The following DPYSL3 variants were observed in gnomAD, a reference collection of about 807,000 sequenced individuals.
DPYSL3 encodes the protein dihydropyrimidinase like 3.
In DPYSL3, 16 loss-of-function variants were observed where a neutral mutation model predicts 66.1. The observed-to-expected ratio is 0.24, with a 90% CI of 0.16 to 0.37. The LOEUF is 0.37. Among genes scored for constraint, DPYSL3 ranks in the 10% least tolerant of loss-of-function variants. DPYSL3 has a pLI of 1.00. For missense variants in DPYSL3, 738 were observed against 916.2 expected (o/e 0.81, Z 2.51); for synonymous variants, 338 against 345.1 (o/e 0.98, Z 0.23).
chr5:147,401,259 G>A (rs1441654614), intron 9 of DPYSL3, among the ~76,000 whole-genome samples: 5 of 152,192 alleles, frequency 3.3e-5, no homozygotes, highest in African/African-American at 4.8e-5. Flanking sequence ...GTTGTTAGGA[G>A]AAATAAATGA....
intron 8 of DPYSL3, among the ~76,000 whole-genome samples, chr5:147,403,176 G>A (rs1174622211): frequency 2.0e-5 from 3 of 152,106 alleles, no homozygotes; most frequent in African/African-American, 7.2e-5. Context: ...AGAAGGAAGC[G>A]ATGGCAATGA....
intron 12 of DPYSL3, among the ~76,000 whole-genome samples, chr5:147,395,981 T>C (rs1757959283): frequency 6.6e-6 from 1 of 151,876 alleles, no homozygotes; most frequent in South Asian, 2.1e-4. Flanking sequence ...TGCTATGGGG[T>C]TGGGGTTGCC....
rs1028326734 is a variant in DPYSL3 at position 147,397,795 on chromosome 5, C to T, written c.1674G>A (p.Leu558=). ...TGATCTTGCCCTGGCAGATGACAAC[C>T]AGAGGAGCCCCGCGCAGCTCCATCC... ...FEGMELRGAP[L]VVICQGKIML... The change falls in exon 12 of 14, where the codon CTG becomes CTA. Residue 558 remains leucine (L), a synonymous_variant. Coordinates refer to ENST00000343218, the MANE Select transcript of DPYSL3 (RefSeq NM_001197294.2). 4 of 1,613,860 alleles carry T rather than the reference C, an allele frequency of 2.5e-6. No homozygotes were observed. Among genetic ancestry groups the T allele is most frequent in the African/African-American group, 1.3e-5 (1 of 74,906 alleles).
intron 1 of DPYSL3, among the ~76,000 whole-genome samples, chr5:147,448,683 G>T (rs1325661850): frequency 3.3e-5 from 5 of 152,150 alleles, no homozygotes; most frequent in East Asian, 1.9e-4. Context: ...CAAACTGAGG[G>T]TCTTGCCACA....
intron 1 of DPYSL3, among the ~76,000 whole-genome samples, chr5:147,440,656 T>G (rs188837452): frequency 1.0e-3 from 153 of 152,324 alleles, no homozygotes; most frequent in African/African-American, 3.5e-3. Flanking sequence ...TATGCTATCT[T>G]TTTAAATTTC....
At chr5:147,491,004 C>T (rs940058680) in intron 1 of DPYSL3, among the ~76,000 whole-genome samples, 1 of 152,172 alleles carries the variant, frequency 6.6e-6, no homozygotes, top group Non-Finnish European at 1.5e-5. Context: ...TTTTGAAATA[C>T]ATTAAAGCAT....
chr5:147,395,843 G>T (rs1757954987), intron 12 of DPYSL3, 122 bp from the exon 13 acceptor site: 1 of 1,172,648 alleles, frequency 8.5e-7, no homozygotes, highest in Non-Finnish European at 1.2e-6. Flanking sequence ...CAATAATAAA[G>T]ATAATTTGAG....
chr5:147,467,551 T>C (rs1010901805), intron 1 of DPYSL3, among the ~76,000 whole-genome samples: 1 of 152,184 alleles, frequency 6.6e-6, no homozygotes, highest in East Asian at 1.9e-4. Flanking sequence ...AGAGTACATA[T>C]ACAGAACGCC....
intron 1 of DPYSL3, among the ~76,000 whole-genome samples, chr5:147,462,632 A>G (rs76854988): frequency 0.033 from 4,974 of 152,232 alleles, 307 homozygotes; most frequent in African/African-American, 0.11. Context: ...TTTAGAGACA[A>G]CATATTCCAT....
Position 147,402,351 on chromosome 5 carries a change from T to A in DPYSL3, c.1154-655A>T, listed in dbSNP as rs1248959835. Among the ~76,000 whole-genome samples, 226 of 135,918 alleles carry A rather than the reference T, an allele frequency of 1.7e-3. 3 individuals are homozygous for A. Among genetic ancestry groups the A allele is most frequent in the African/African-American group, 7.7e-3 (205 of 26,786 alleles). The allele number at this position is 135,918 out of a possible 152,430, so 89.2% of individuals were successfully genotyped here. A position where few individuals can be genotyped will look rare whatever the true frequency, so the allele number is the denominator to read the frequency against. ...TAGAGACTCTCATGACTTTTTTTTT[T>A]TTCTTTTTTTTTTTGAGACGGAGTC... On this transcript the variant is annotated intron_variant, in intron 8 of 13. Transcript: ENST00000343218.
Position 147,390,868 on chromosome 5 carries a change from T to C in DPYSL3, c.*3167A>G, listed in dbSNP as rs1757778511. The stretch of plus-strand genomic sequence containing the variant: ...ACATTAACAGTCACGTGATGAACTT[T>C]TTTCTTTAATGTCAGCTAAACTCAA... On this transcript the variant is annotated 3_prime_UTR_variant, in exon 14 of 14. Coordinates refer to ENST00000343218, the MANE Select transcript of DPYSL3 (RefSeq NM_001197294.2). 6.6e-6 allele frequency: 1 copy of C among 152,670 alleles called. No homozygotes were observed. The allele number at this position is 152,670 out of a possible 1,614,324, so 9.5% of individuals were successfully genotyped here.
intron 1 of DPYSL3, among the ~76,000 whole-genome samples, chr5:147,426,037 C>CCATT (rs1275865987): frequency 2.0e-5 from 3 of 152,024 alleles, no homozygotes; most frequent in Admixed American, 2.0e-4. Flanking sequence ...ATCCATCCAT[C>CCATT]CATCCATTCA....
chr5:147,471,168 T>C lies in DPYSL3; in HGVS notation c.381+38310A>G, dbSNP rs547428551. The stretch of plus-strand genomic sequence containing the variant: ...AGGCAAACTGTTGAAGGCAGAATCC[T>C]AAAGTACTAATGGGGAGGAGGAAAG... On this transcript the variant is annotated intron_variant, in intron 1 of 13. Coordinates refer to ENST00000343218, the MANE Select transcript of DPYSL3 (RefSeq NM_001197294.2). 2.6e-5 allele frequency among the ~76,000 whole-genome samples: 4 copies of C among 152,288 alleles called. No individual in the cohort carries two copies. In the South Asian group the frequency reaches 6.2e-4, roughly 24 times the overall value.
chr5:147,442,049 A>G (rs1409464440), intron 1 of DPYSL3, among the ~76,000 whole-genome samples: 1 of 152,266 alleles, frequency 6.6e-6, no homozygotes, highest in Admixed American at 6.5e-5. Flanking sequence ...GAATTTATCA[A>G]TATCCCCAAA....
intron 6 of DPYSL3, among the ~76,000 whole-genome samples, chr5:147,411,265 G>T (rs1042865872): frequency 2.0e-5 from 3 of 152,152 alleles, no homozygotes; most frequent in African/African-American, 7.2e-5. Context: ...TAGCCTCCTT[G>T]GTCATGGTGA....
intron 1 of DPYSL3, among the ~76,000 whole-genome samples, chr5:147,491,883 C>G (rs576994399): frequency 4.6e-5 from 7 of 151,964 alleles, no homozygotes; most frequent in African/African-American, 1.7e-4. Context: ...ATATTTGAAG[C>G]AATAATGACT....
chr5:147,461,256 G>A (rs962814677), intron 1 of DPYSL3, among the ~76,000 whole-genome samples: 7 of 152,112 alleles, frequency 4.6e-5, no homozygotes, highest in African/African-American at 1.4e-4. Context: ...AAAAGATTAG[G>A]GTTGGGGAGG....
At chr5:147,395,845 T>A (rs1011191244) in intron 12 of DPYSL3, 124 bp from the exon 13 acceptor site, 12 of 1,162,560 alleles carry the variant, frequency 1.0e-5, no homozygotes, top group Non-Finnish European at 1.4e-5. Context: ...ATAATAAAGA[T>A]AATTTGAGGA....
intron 1 of DPYSL3, among the ~76,000 whole-genome samples, chr5:147,495,954 CAAAA>C (rs1226630866): frequency 6.6e-6 from 1 of 152,102 alleles, no homozygotes; most frequent in Non-Finnish European, 1.5e-5. Flanking sequence ...AATCCGAAGA[CAAAA>C]GAACAAAGCT....
Sources: allele counts gnomAD v4.1 joint callset (sites outside exome capture counted in the v4.1 genomes callset), GRCh38; gene constraint gnomAD v4.1.1; transcripts MANE v1.5; gene names NCBI Gene and HGNC (gene_info 2026-07-23, HGNC 2026-07-21).